CAMKK2: variants seen among roughly 807,000 people sequenced by gnomAD.
The protein encoded by CAMKK2 is calcium/calmodulin-dependent protein kinase kinase 2.
CAMKK2 carries 30 observed loss-of-function variants against 67.2 expected under a neutral mutation model. The ratio of observed to expected loss-of-function variants is 0.45; its 90% CI spans 0.33 to 0.61. The LOEUF (loss-of-function observed/expected upper bound fraction) is 0.61, where lower values mean the gene tolerates loss of function less well. Among genes scored for constraint, CAMKK2 ranks in the 20% least tolerant of loss-of-function variants. CAMKK2 has a pLI of 0.02. For synonymous variants in CAMKK2, 322 were observed against 326.2 expected (o/e 0.99, Z 0.14); for missense variants, 643 against 802.0 (o/e 0.80, Z 2.39).
chr12:121,291,617 A>G (rs917819331), intron 1 of CAMKK2, among the ~76,000 whole-genome samples: 5 of 152,228 alleles, frequency 3.3e-5, no homozygotes, highest in African/African-American at 1.2e-4. Flanking sequence ...CAGGGGCTGC[A>G]GGGAGGGGCA....
In CAMKK2 at chr12:121,255,591, G is replaced by A. The variant is rs752145128; in HGVS notation, c.866C>T (p.Ala289Val). The change falls in exon 9 of 17, where the codon GCC (alanine) becomes GTC (valine). Residue 289 changes from alanine to valine, a missense_variant. By Grantham distance (64) the Ala-to-Val change is moderately conservative. This residue lies in a region of CAMKK2 where 483 missense variants were observed against 625.8 expected (regional missense o/e 0.77). Transcript: ENST00000404169. ...PTLKPLSEDQ[A>V]RFYFQDLIKG... Reference sequence around the variant, plus strand: ...GATCAGATCCTGGAAGTAGAAACGGGCCTGGTCTTCAGAGAGTGGTTTGAG... The same window carrying A: ...GATCAGATCCTGGAAGTAGAAACGGACCTGGTCTTCAGAGAGTGGTTTGAG... 1 of 1,612,600 alleles carries A rather than the reference G, an allele frequency of 6.2e-7. No individual in the cohort carries two copies. Among genetic ancestry groups the A allele is most frequent in the Non-Finnish European group, 8.5e-7 (1 of 1,179,714 alleles).
chr12:121,288,250 T>C (rs1899176181), intron 1 of CAMKK2, among the ~76,000 whole-genome samples: 1 of 152,200 alleles, frequency 6.6e-6, no homozygotes, highest in Non-Finnish European at 1.5e-5. Flanking sequence ...CCCAGCATGC[T>C]CTTGGCAAAT....
chr12:121,281,561 T>C (rs1033683135), intron 1 of CAMKK2, among the ~76,000 whole-genome samples: 19 of 152,256 alleles, frequency 1.2e-4, no homozygotes, highest in Admixed American at 3.3e-4. Context: ...GTAGTAATTA[T>C]AAAGCAATGA....
chr12:121,293,853 C>T (rs774193132), intron 1 of CAMKK2, among the ~76,000 whole-genome samples: 6 of 152,128 alleles, frequency 3.9e-5, no homozygotes, highest in Non-Finnish European at 7.3e-5. Context: ...TGTGCTCCTT[C>T]GATCACAACA....
At chr12:121,248,784 G>T in intron 13 of CAMKK2, 50 bp from the exon 14 acceptor site, 1 of 1,609,830 alleles carries the variant, frequency 6.2e-7, no homozygotes, top group African/African-American at 1.3e-5. Context: ...TGGCTACCGG[G>T]GGGCCCTGCC....
intron 7 of CAMKK2, among the ~76,000 whole-genome samples, chr12:121,257,479 A>T (rs796171801): frequency 3.3e-5 from 5 of 152,238 alleles, no homozygotes; most frequent in African/African-American, 1.2e-4. Context: ...AACTTCTGAC[A>T]TCAGGTGATC....
Position 121,248,652 on chromosome 12 carries a change from T to A in CAMKK2, c.1406A>T (p.Glu469Val). 1.2e-6 allele frequency: 2 copies of A among 1,614,206 alleles called. No homozygotes were observed. The highest frequency in any genetic ancestry group is 1.7e-6 in the Non-Finnish European group (2 of 1,180,024). Residue 469 changes from glutamate to valine, a missense_variant, in exon 14 of 17, where the codon GAG becomes GTG. By Grantham distance (121) the Glu-to-Val change is moderately radical (BLOSUM62 -2). Coordinates refer to ENST00000404169, the MANE Select transcript of CAMKK2 (RefSeq NM_001270485.2). The stretch of plus-strand genomic sequence containing the variant: ...GTGTTTGACTGAGTTCTCGACCTCC[T>A]CTTCAGTCACTTCGACCAGCGTGCA... ...ENCTLVEVTE[E>V]EVENSVKHIP...
intron 1 of CAMKK2, among the ~76,000 whole-genome samples, chr12:121,290,224 C>T (rs547769267): frequency 1.3e-5 from 2 of 152,336 alleles, no homozygotes; most frequent in African/African-American, 4.8e-5. Flanking sequence ...TCCATTTCTG[C>T]TTTCTGGGCG....
At chr12:121,258,961 G>A (rs1229876992) in intron 7 of CAMKK2, among the ~76,000 whole-genome samples, 1 of 151,254 alleles carries the variant, frequency 6.6e-6, no homozygotes, top group Non-Finnish European at 1.5e-5. Flanking sequence ...TCGTGCCTCA[G>A]CCTCCCGAGT....
Position 121,274,334 on chromosome 12 carries a change from C to T in CAMKK2, c.193G>A (p.Asp65Asn). 1.2e-6 allele frequency: 2 copies of T among 1,613,440 alleles called. No individual in the cohort carries two copies. Among genetic ancestry groups the T allele is most frequent in the Non-Finnish European group, 1.7e-6 (2 of 1,179,870 alleles). The change falls in exon 2 of 17, where the codon GAC becomes AAC. Residue 65 changes from aspartate to asparagine, a missense_variant. Physicochemically the swap from Asp to Asn is conservative, Grantham distance 23. Coordinates refer to ENST00000404169, the MANE Select transcript of CAMKK2 (RefSeq NM_001270485.2). ...GGCCGGTCCCGCGCCAAGCCGAGGT[C>T]CACAGCACAGCCCGGCTCACACTCG... is the stretch of plus-strand genomic sequence containing the variant. ...VTECEPGCAV[D>N]LGLARDRPLE...
intron 14 of CAMKK2, among the ~76,000 whole-genome samples, chr12:121,246,884 G>A (rs1889592614): frequency 8.0e-6 from 1 of 124,682 alleles, no homozygotes; most frequent in South Asian, 2.7e-4. Context: ...TGACACCTAT[G>A]CCTGGCACAC....
chr12:121,244,274 G>A (rs181714613), intron 16 of CAMKK2: 16 of 812,904 alleles, frequency 2.0e-5, no homozygotes, highest in Admixed American at 1.4e-4. Flanking sequence ...CACCATTGAC[G>A]TGCACTGAGA....
intron 4 of CAMKK2, among the ~76,000 whole-genome samples, chr12:121,268,933 C>T (rs1196923117): frequency 1.3e-5 from 2 of 152,050 alleles, no homozygotes; most frequent in Admixed American, 6.6e-5. Flanking sequence ...GGCTCACGGT[C>T]GCCTCTCTCA....
chr12:121,249,919 G>T (rs201502619), intron 12 of CAMKK2, 42 bp downstream of exon 12: 55 of 1,612,902 alleles, frequency 3.4e-5, no homozygotes, highest in Non-Finnish European at 4.4e-5. Flanking sequence ...GGACCGCCAA[G>T]AACTCGGACA....
chr12:121,277,953 C>A lies in CAMKK2; in HGVS notation c.-59-3368G>T, dbSNP rs148333456. 4.5e-3 allele frequency among the ~76,000 whole-genome samples: 678 copies of A among 152,180 alleles called. 7 individuals carry two copies. Among genetic ancestry groups the A allele is most frequent in the Middle Eastern group, 0.027 (8 of 294 alleles). ...CTGCACTCCAGCCTGGGTAACAGAG[C>A]AAGACTCCATCTAAAATAAATAAAT... is the stretch of plus-strand genomic sequence containing the variant. On this transcript the variant is annotated intron_variant, in intron 1 of 16. Coordinates refer to ENST00000404169, the MANE Select transcript of CAMKK2 (RefSeq NM_001270485.2).
intron 1 of CAMKK2, among the ~76,000 whole-genome samples, chr12:121,288,774 G>T (rs1899326749): frequency 6.6e-6 from 1 of 151,944 alleles, no homozygotes; most frequent in East Asian, 1.9e-4. Context: ...CTCTTTTCCA[G>T]GTTGGGATTA....
intron 1 of CAMKK2, among the ~76,000 whole-genome samples, chr12:121,291,423 T>G (rs1186067155): frequency 1.3e-5 from 2 of 152,050 alleles, no homozygotes; most frequent in Non-Finnish European, 2.9e-5. Context: ...ATCCACACAA[T>G]GGAATAGTAC....
intron 7 of CAMKK2, among the ~76,000 whole-genome samples, chr12:121,256,770 G>T (rs1892375312): frequency 6.6e-6 from 1 of 152,132 alleles, no homozygotes; most frequent in South Asian, 2.1e-4. Context: ...ATATTCCATT[G>T]TATGGATAGA....
intron 1 of CAMKK2, among the ~76,000 whole-genome samples, chr12:121,293,255 C>T (rs894201529): frequency 6.6e-6 from 1 of 151,952 alleles, no homozygotes; most frequent in African/African-American, 2.4e-5. Flanking sequence ...CTGGCTCGGG[C>T]AACAAGAGGG....
Sources: gnomAD v4.1 joint callset for allele counts (sites outside exome capture counted in the v4.1 genomes callset) on GRCh38, gnomAD v4.1.1 for gene constraint, gnomAD v4.1.1 regional missense constraint, MANE v1.5 for transcripts, NCBI Gene and HGNC (gene_info 2026-07-23, HGNC 2026-07-21) for gene names.